The following ZMYND8 variants were observed in gnomAD, a reference collection of about 807,000 sequenced individuals.
ZMYND8 encodes the protein zinc finger MYND-type containing 8, also known as MYND-type zinc finger-containing chromatin reader ZMYND8.
A neutral mutation model predicts 140.8 loss-of-function variants in ZMYND8; 37 were observed. The observed-to-expected ratio is 0.26, with a 90% CI of 0.20 to 0.35. ZMYND8 has a LOEUF of 0.35. Among genes scored for constraint, ZMYND8 ranks in the 10% least tolerant of loss-of-function variants. ZMYND8 has a pLI of 1.00. For missense variants in ZMYND8, 1,068 were observed against 1,570.0 expected, an observed-to-expected ratio of 0.68 and a Z score of 5.40; for synonymous variants, 592 against 597.1, an observed-to-expected ratio of 0.99 and a Z score of 0.12.
At chr20:47,231,446 G>A (rs908819603) in intron 16 of ZMYND8, among the ~76,000 whole-genome samples, 3 of 152,284 alleles carry the variant, frequency 2.0e-5, no homozygotes, top group Middle Eastern at 3.4e-3. Context: ...GGGTGTGCAC[G>A]AGGATTAAAT....
At chr20:47,291,979 C>T in intron 5 of ZMYND8, 91 bp from the exon 6 acceptor site, 2 of 1,144,426 alleles carry the variant, frequency 1.7e-6, no homozygotes, top group Non-Finnish European at 2.5e-6. Flanking sequence ...AAAATTGAGA[C>T]AACTTTTCAG....
At chr20:47,287,146 A>C in intron 8 of ZMYND8, 83 bp downstream of exon 8, 51 of 1,235,230 alleles carry the variant, frequency 4.1e-5, no homozygotes, top group Non-Finnish European at 5.4e-5. Context: ...GCTACCTAAT[A>C]GGAGATTCTG....
intron 11 of ZMYND8, among the ~76,000 whole-genome samples, chr20:47,266,194 G>A (rs1458899911): frequency 6.7e-6 from 1 of 150,232 alleles, no homozygotes; most frequent in South Asian, 2.1e-4. Flanking sequence ...CACCTGCCTT[G>A]TCCTCCCAAT....
At chr20:47,333,314 G>C (rs994277327) in intron 2 of ZMYND8, among the ~76,000 whole-genome samples, 1 of 151,942 alleles carries the variant, frequency 6.6e-6, no homozygotes, top group African/African-American at 2.4e-5. Flanking sequence ...CTCCAGCCTG[G>C]GCAACATCGT....
intron 2 of ZMYND8, among the ~76,000 whole-genome samples, chr20:47,337,841 C>G (rs1330722113): frequency 6.6e-6 from 1 of 151,926 alleles, no homozygotes; most frequent in Non-Finnish European, 1.5e-5. Context: ...CTACTAAATG[C>G]CAAGGCTGGC....
At chr20:47,355,788 GATTTT>G (rs2083180961) in intron 1 of ZMYND8, 1 of 137,468 alleles carries the variant, frequency 7.3e-6, no homozygotes, top group African/African-American at 2.9e-5. Flanking sequence ...AATCCTTGCA[GATTTT>G]TTTTTTTTTT....
At chr20:47,224,639 G>C in intron 18 of ZMYND8, 83 bp from the exon 19 acceptor site, 9 of 1,579,674 alleles carry the variant, frequency 5.7e-6, no homozygotes, top group African/African-American at 1.3e-5. Context: ...GATTCAGGCA[G>C]ACGTGGATGC....
At chr20:47,244,283 A>G (rs184004211) in intron 14 of ZMYND8, among the ~76,000 whole-genome samples, 4 of 152,144 alleles carry the variant, frequency 2.6e-5, no homozygotes, top group African/African-American at 9.7e-5. Flanking sequence ...CCCTTAAGTC[A>G]CTCGCCACAT....
chr20:47,293,874 C>T (rs572137908), intron 5 of ZMYND8, among the ~76,000 whole-genome samples: 1 of 152,276 alleles, frequency 6.6e-6, no homozygotes, highest in South Asian at 2.1e-4. Flanking sequence ...TGGTTTCCCC[C>T]ATCCTGTTCT....
intron 10 of ZMYND8, among the ~76,000 whole-genome samples, chr20:47,279,162 G>C (rs1320895057): frequency 6.6e-6 from 1 of 152,090 alleles, no homozygotes; most frequent in Admixed American, 6.6e-5. Flanking sequence ...AAGGAAAAGA[G>C]TCTCTTTTCT....
At chr20:47,301,152 A>ATTCTTTTTT (rs1447785157) in intron 3 of ZMYND8, among the ~76,000 whole-genome samples, 1 of 142,512 alleles carries the variant, frequency 7.0e-6, no homozygotes, top group African/African-American at 2.7e-5. Flanking sequence ...TGATTGCATA[A>ATTCTTTTTT]TTCTTTTTTT....
chr20:47,341,950 C>T (rs1238048223), intron 2 of ZMYND8, among the ~76,000 whole-genome samples: 2 of 151,620 alleles, frequency 1.3e-5, no homozygotes, highest in Non-Finnish European at 2.9e-5. Flanking sequence ...TTGCAGTGAG[C>T]GGAGATCGCG....
chr20:47,322,965 C>T (rs998225224), intron 2 of ZMYND8, among the ~76,000 whole-genome samples: 1 of 152,136 alleles, frequency 6.6e-6, no homozygotes, highest in South Asian at 2.1e-4. Flanking sequence ...GGCTCTGGAG[C>T]CAGACTACTA....
chr20:47,334,758 C>A (rs532857314), intron 2 of ZMYND8, among the ~76,000 whole-genome samples: 1 of 151,784 alleles, frequency 6.6e-6, no homozygotes, highest in Non-Finnish European at 1.5e-5. Context: ...TACAGGCACA[C>A]GCCACCACAC....
At chr20:47,268,290 CT>C (rs561765484) in intron 11 of ZMYND8, among the ~76,000 whole-genome samples, 64,941 of 107,068 alleles carry the variant, frequency 0.61, 19,998 homozygotes, top group African/African-American at 0.78. Flanking sequence ...AACCCCGTCT[CT>C]TTTTTTTTTT....
chr20:47,292,432 A>G (rs1043585894), intron 5 of ZMYND8, among the ~76,000 whole-genome samples: 1 of 152,202 alleles, frequency 6.6e-6, no homozygotes, highest in East Asian at 1.9e-4. Flanking sequence ...AAAAAAACAA[A>G]AAAATTGTGC....
intron 1 of ZMYND8, among the ~76,000 whole-genome samples, chr20:47,355,840 A>AC (rs1158628637): frequency 1.7e-5 from 1 of 58,058 alleles, no homozygotes; most frequent in South Asian, 5.7e-4. Context: ...CTCTCCCCCC[A>AC]CCCCCCAGTC....
chr20:47,299,562 A>G lies in ZMYND8; in HGVS notation c.235-615T>C, dbSNP rs73130974. Among the ~76,000 whole-genome samples, 1,092 of 149,848 alleles carry G rather than the reference A, an allele frequency of 7.3e-3. 5 individuals are homozygous for G. The highest frequency in any genetic ancestry group is 0.011 in the Non-Finnish European group (747 of 66,868). On this transcript the variant is annotated intron_variant, in intron 3 of 22. Coordinates refer to ENST00000471951, the MANE Select transcript of ZMYND8 (RefSeq NM_001281775.3). ...GGGTTTCAGTCACCAAAAAATGGTT[A>G]CCTAATTTTTTTTTTCTTTTTCTTT... is the stretch of plus-strand genomic sequence containing the variant.
intron 3 of ZMYND8, among the ~76,000 whole-genome samples, chr20:47,309,560 G>T (rs1324541354): frequency 6.6e-6 from 1 of 152,014 alleles, no homozygotes; most frequent in Non-Finnish European, 1.5e-5. Context: ...ACCTGCCTCG[G>T]CCTCCCAAAG....
Sources: gnomAD v4.1 joint callset for allele counts (sites outside exome capture counted in the v4.1 genomes callset) on GRCh38, gnomAD v4.1.1 for gene constraint, MANE v1.5 for transcripts, NCBI Gene and HGNC (gene_info 2026-07-23, HGNC 2026-07-21) for gene names.